The following PDE3B variants were observed in gnomAD, a reference collection of about 807,000 sequenced individuals.
PDE3B encodes the protein cGMP-inhibited 3',5'-cyclic phosphodiesterase 3B.
Under a neutral mutation model 116.8 loss-of-function variants are expected in PDE3B, and 66 were observed. The ratio of observed to expected loss-of-function variants is 0.56; its 90% confidence interval spans 0.46 to 0.69. The LOEUF (loss-of-function observed/expected upper bound fraction) is 0.69. Ranked by LOEUF, PDE3B falls within the 30% of genes least tolerant of loss-of-function variation. The pLI is 0.00. For synonymous variants in PDE3B, 595 were observed against 533.6 expected, an observed-to-expected ratio of 1.12 and a Z score of -1.59; for missense variants, 1,384 against 1,368.1, an observed-to-expected ratio of 1.01 and a Z score of -0.18.
At position 14,644,836 on chromosome 11, in the gene PDE3B, G is replaced by A. The variant is rs1853338400; in HGVS notation, c.761G>A (p.Gly254Asp). 1 of 1,612,114 alleles carries A rather than the reference G, an allele frequency of 6.2e-7. No homozygotes were observed. The highest frequency in any genetic ancestry group is 1.7e-5 in the Admixed American group (1 of 59,808). ...CCGCTGCTCTCCGGCCTGGTGGGGG[G>A]CGCTGGCTGCCTGCTGGCCCTGGGG... ...LRPLLSGLVG[G>D]AGCLLALGLD... The change falls in exon 1 of 16, where the codon GGC becomes GAC. Residue 254 changes from glycine to aspartate, a missense_variant. Gly to Asp is a moderately conservative substitution (Grantham distance 94, BLOSUM62 -1). Coordinates refer to ENST00000282096, the MANE Select transcript of PDE3B (RefSeq NM_000922.4).
intron 5 of PDE3B, among the ~76,000 whole-genome samples, chr11:14,805,139 A>T (rs557123489): frequency 2.0e-5 from 3 of 152,328 alleles, no homozygotes; most frequent in East Asian, 1.9e-4. Context: ...CAACAAATTC[A>T]TAAAGTGCAG....
At chr11:14,801,537 C>T (rs1478488592) in intron 4 of PDE3B, among the ~76,000 whole-genome samples, 1 of 152,212 alleles carries the variant, frequency 6.6e-6, no homozygotes, top group East Asian at 1.9e-4. Context: ...TGCCAGATGC[C>T]AGCCAGAGCT....
At chr11:14,785,394 C>T (rs1427429865) in intron 2 of PDE3B, among the ~76,000 whole-genome samples, 4 of 152,062 alleles carry the variant, frequency 2.6e-5, no homozygotes, top group Middle Eastern at 3.4e-3. Flanking sequence ...AAAAATTCCG[C>T]AAAGAGCAGA....
At chr11:14,734,780 T>C (rs1856553358) in intron 1 of PDE3B, among the ~76,000 whole-genome samples, 1 of 152,156 alleles carries the variant, frequency 6.6e-6, no homozygotes, top group South Asian at 2.1e-4. Flanking sequence ...TTTTGCTATA[T>C]CTCCTCTTTT....
intron 4 of PDE3B, among the ~76,000 whole-genome samples, chr11:14,790,256 G>A (rs1366293966): frequency 6.6e-6 from 1 of 151,592 alleles, no homozygotes; most frequent in Non-Finnish European, 1.5e-5. Flanking sequence ...AACAGGAATG[G>A]ATTGAAGTAT....
At position 14,861,289 on chromosome 11, in the gene PDE3B, G is replaced by A. The variant is rs782040498; in HGVS notation, c.2809G>A (p.Asp937Asn). The change falls in exon 14 of 16, where the codon GAT becomes AAT. Residue 937 changes from aspartate to asparagine, a missense_variant. Asp to Asn is a conservative substitution (Grantham distance 23). Coordinates refer to ENST00000282096, the MANE Select transcript of PDE3B (RefSeq NM_000922.4). ...LVCQVCIKLA[D>N]INGPAKVRDL... ...ATGCCAGGTGTGCATCAAACTGGCA[G>A]ATATAAATGGCCCAGCAAAAGTTCG... The A allele has an allele frequency of 6.2e-7, 1 of 1,613,496 alleles. No homozygotes were observed. Among genetic ancestry groups the A allele is most frequent in the Non-Finnish European group, 8.5e-7 (1 of 1,179,552 alleles).
chr11:14,737,299 T>C (rs1856629594), intron 1 of PDE3B, among the ~76,000 whole-genome samples: 1 of 152,130 alleles, frequency 6.6e-6, no homozygotes, highest in South Asian at 2.1e-4. Context: ...GTTCACGCTG[T>C]TCTCCTGCCT....
chr11:14,723,947 A>G (rs758174819), intron 1 of PDE3B, among the ~76,000 whole-genome samples: 19 of 152,158 alleles, frequency 1.2e-4, no homozygotes, highest in Non-Finnish European at 2.1e-4. Flanking sequence ...GTTTTATTCT[A>G]CTTCCTAAGG....
At chr11:14,759,653 A>ATTCT (rs1386031706) in intron 1 of PDE3B, among the ~76,000 whole-genome samples, 1 of 148,508 alleles carries the variant, frequency 6.7e-6, no homozygotes, top group African/African-American at 2.5e-5. Flanking sequence ...GGTTCAAGTG[A>ATTCT]TTCTTCTGCC....
At chr11:14,789,545 A>G (rs1376354711) in intron 4 of PDE3B, among the ~76,000 whole-genome samples, 2 of 152,058 alleles carry the variant, frequency 1.3e-5, no homozygotes, top group Non-Finnish European at 2.9e-5. Flanking sequence ...TTAAATCGAT[A>G]GAAGTGGCCA....
chr11:14,777,130 G>A (rs1161651529), intron 2 of PDE3B, among the ~76,000 whole-genome samples: 1 of 152,122 alleles, frequency 6.6e-6, no homozygotes, highest in Non-Finnish European at 1.5e-5. Context: ...ATTACTGGAT[G>A]GGATGAATAA....
chr11:14,860,827 T>A (rs1159059218), intron 13 of PDE3B, among the ~76,000 whole-genome samples: 1 of 152,116 alleles, frequency 6.6e-6, no homozygotes, highest in Non-Finnish European at 1.5e-5. Context: ...TCTTAAGTGT[T>A]CTTTTTTGAG....
chr11:14,645,833 T>C (rs1230781679), intron 1 of PDE3B, among the ~76,000 whole-genome samples: 1 of 152,214 alleles, frequency 6.6e-6, no homozygotes. Flanking sequence ...TATATAGTAT[T>C]GGAAAAGCTA....
downstream of PDE3B, among the ~76,000 whole-genome samples, chr11:14,875,970 CAT>C (rs1447398141): frequency 2.6e-5 from 4 of 152,126 alleles, no homozygotes; most frequent in Non-Finnish European, 4.4e-5. Flanking sequence ...CTTCATTCTG[CAT>C]AGATTTATGG....
chr11:14,831,724 A>G lies in PDE3B; in HGVS notation c.2041A>G (p.Ile681Val). 2 of 1,606,442 alleles carry G rather than the reference A, an allele frequency of 1.2e-6. No individual in the cohort carries two copies. Among genetic ancestry groups the G allele is most frequent in the Non-Finnish European group, 8.5e-7 (1 of 1,174,920 alleles). The change falls in exon 9 of 16, where the codon ATT becomes GTT. Residue 681 changes from isoleucine (I) to valine (V), a missense_variant. Transcript: ENST00000282096. ...AAAGATGAGCAACTGGAATTTTCCA[A>G]TTTTTGAACTTGTAGAAAAGATGGG... Reference protein sequence around the residue: ...IEKMSNWNFPIFELVEKMGEK... With the variant: ...IEKMSNWNFPVFELVEKMGEK...
chr11:14,659,174 A>G (rs1280220453), intron 1 of PDE3B, among the ~76,000 whole-genome samples: 3 of 152,202 alleles, frequency 2.0e-5, no homozygotes, highest in Non-Finnish European at 2.9e-5. Context: ...ATGGAAACTA[A>G]TGCAGGACAT....
the PDE3B span, among the ~76,000 whole-genome samples, chr11:14,882,499 A>G: frequency 1.4e-4 from 21 of 152,238 alleles, 1 homozygote; most frequent in South Asian, 3.9e-3. Context: ...ACAGAGGAGC[A>G]CTGTTTATAA....
At chr11:14,844,077 C>T in intron 12 of PDE3B, 51 bp downstream of exon 12, 1 of 1,345,288 alleles carries the variant, frequency 7.4e-7, no homozygotes, top group Non-Finnish European at 1.1e-6. Context: ...AATTTTCAGT[C>T]ATGCTGTGTA....
intron 5 of PDE3B, among the ~76,000 whole-genome samples, chr11:14,815,355 T>C (rs1859289914): frequency 6.6e-6 from 1 of 152,144 alleles, no homozygotes; most frequent in Admixed American, 6.5e-5. Flanking sequence ...AAACAAGATG[T>C]TGGCTCTACC....
Sources: gnomAD v4.1 joint callset for allele counts (sites outside exome capture counted in the v4.1 genomes callset) on GRCh38, gnomAD v4.1.1 for gene constraint, MANE v1.5 for transcripts, NCBI Gene and HGNC (gene_info 2026-07-23, HGNC 2026-07-21) for gene names.